The following NRXN1 variants were observed in gnomAD, a reference collection of about 807,000 sequenced individuals.
The protein encoded by NRXN1 is neurexin 1, also known as neurexin-1.
NRXN1 carries 39 observed loss-of-function variants against 150.9 expected under a neutral mutation model. The observed-to-expected ratio is 0.26, with a 90% CI of 0.20 to 0.34. The LOEUF is 0.34. Ranked by LOEUF, NRXN1 falls within the 10% of genes least tolerant of loss-of-function variation. NRXN1 has a pLI of 1.00. For missense variants in NRXN1, 1,815 were observed against 1,949.9 expected, an observed-to-expected ratio of 0.93 and a Z score of 1.30; for synonymous variants, 924 against 757.0, an observed-to-expected ratio of 1.22 and a Z score of -3.62.
chr2:50,792,466 A>T (rs1356117435), intron 5 of NRXN1, among the ~76,000 whole-genome samples: 1 of 152,060 alleles, frequency 6.6e-6, no homozygotes, highest in African/African-American at 2.4e-5. Context: ...CATATTATCT[A>T]ATACTATAAT....
chr2:50,929,052 A>G (rs1025167278), intron 2 of NRXN1, among the ~76,000 whole-genome samples: 2 of 152,050 alleles, frequency 1.3e-5, no homozygotes, highest in African/African-American at 4.8e-5. Flanking sequence ...CAATCATGCT[A>G]TGAATAATGG....
At chr2:50,198,878 A>G (rs1191575385) in intron 18 of NRXN1, among the ~76,000 whole-genome samples, 2 of 152,094 alleles carry the variant, frequency 1.3e-5, no homozygotes, top group Non-Finnish European at 2.9e-5. Context: ...GAACTTTTGG[A>G]GCACAGGTAT....
intron 5 of NRXN1, among the ~76,000 whole-genome samples, chr2:50,819,607 C>G (rs756295851): frequency 1.3e-5 from 2 of 151,814 alleles, no homozygotes; most frequent in Non-Finnish European, 2.9e-5. Context: ...GAGATCTTCC[C>G]TACAACAATG....
At chr2:50,586,997 A>C (rs1673229609) in intron 8 of NRXN1, among the ~76,000 whole-genome samples, 1 of 152,202 alleles carries the variant, frequency 6.6e-6, no homozygotes, top group South Asian at 2.1e-4. Context: ...TTTCCAAAGA[A>C]AGAAAATACT....
intron 21 of NRXN1, among the ~76,000 whole-genome samples, chr2:49,999,583 A>C (rs184400482): frequency 2.6e-5 from 4 of 152,278 alleles, no homozygotes; most frequent in African/African-American, 9.6e-5. Context: ...AATTTTTCAA[A>C]TAAGTAATCA....
intron 2 of NRXN1, among the ~76,000 whole-genome samples, chr2:50,941,976 G>GA (rs1689524556): frequency 6.6e-6 from 1 of 152,164 alleles, no homozygotes; most frequent in East Asian, 1.9e-4. Context: ...GCCTGGGAGG[G>GA]AAAAAATGGT....
At chr2:50,085,406 A>G (rs1698635968) in intron 19 of NRXN1, among the ~76,000 whole-genome samples, 1 of 152,042 alleles carries the variant, frequency 6.6e-6, no homozygotes, top group Non-Finnish European at 1.5e-5. Flanking sequence ...TATTTTCACT[A>G]TTTTACTTTT....
At chr2:50,849,462 G>T (rs561792365) in intron 5 of NRXN1, among the ~76,000 whole-genome samples, 1 of 152,286 alleles carries the variant, frequency 6.6e-6, no homozygotes, top group South Asian at 2.1e-4. Context: ...TAGGGTGAAG[G>T]TAAGAGCCTA....
At chr2:50,760,785 G>T (rs889028174) in intron 5 of NRXN1, among the ~76,000 whole-genome samples, 1 of 151,852 alleles carries the variant, frequency 6.6e-6, no homozygotes, top group African/African-American at 2.4e-5. Context: ...TGAAAACTCC[G>T]AGGCAGATGT....
chr2:50,538,713 G>A (rs1271431612), intron 9 of NRXN1, 77 bp from the exon 10 acceptor site: 6 of 1,227,256 alleles, frequency 4.9e-6, no homozygotes, highest in Non-Finnish European at 6.5e-6. Context: ...TCTTTCGTCT[G>A]CTTGATGGTT....
intron 2 of NRXN1, chr2:50,979,315 G>C: frequency 1.9e-6 from 1 of 515,178 alleles, no homozygotes. Flanking sequence ...TGGACAATGT[G>C]ACAGCAATTC....
chr2:50,597,787 A>C (rs1675478674), intron 8 of NRXN1, among the ~76,000 whole-genome samples: 2 of 152,230 alleles, frequency 1.3e-5, no homozygotes, highest in African/African-American at 2.4e-5. Flanking sequence ...TAAATGAGTG[A>C]GTCTAAAAAA....
chr2:50,935,041 A>G (rs1270821340), intron 2 of NRXN1, among the ~76,000 whole-genome samples: 1 of 152,150 alleles, frequency 6.6e-6, no homozygotes, highest in East Asian at 1.9e-4. Flanking sequence ...AGTATGCCCA[A>G]TTAGATCATT....
chr2:50,191,187 C>T (rs1244046670), intron 18 of NRXN1, among the ~76,000 whole-genome samples: 2 of 146,820 alleles, frequency 1.4e-5, no homozygotes, highest in Admixed American at 7.1e-5. Context: ...TGCCATCATG[C>T]TCAGCTAATT....
rs187174146 is a variant in NRXN1 at position 50,256,921 on chromosome 2, C to T, written c.3365-19951G>A. Among the ~76,000 whole-genome samples, 129 of 152,080 alleles carry T rather than the reference C, an allele frequency of 8.5e-4. 1 individual carries two copies. Among genetic ancestry groups the T allele is most frequent in the Admixed American group, 3.9e-3 (59 of 15,218 alleles). The stretch of plus-strand genomic sequence containing the variant: ...AGGTTGAGAACTGTACAATCCTATC[C>T]TAGGACGACTGAAATGTGACTATTA... On this transcript the variant is annotated intron_variant, in intron 17 of 22. Coordinates refer to ENST00000401669, the MANE Select transcript of NRXN1 (RefSeq NM_001330078.2).
chr2:50,632,608 GTGTGAGAGTCT>G (rs1297575544), intron 5 of NRXN1: 1 of 151,944 alleles, frequency 6.6e-6, no homozygotes, highest in Non-Finnish European at 1.5e-5. Flanking sequence ...GTACATTAAA[GTGTGAGAGTCT>G]TGTTATGAAT....
At chr2:50,032,707 C>T (rs1895131) in intron 21 of NRXN1, among the ~76,000 whole-genome samples, 19,356 of 151,678 alleles carry the variant, frequency 0.13, 1,837 homozygotes, top group African/African-American at 0.26. Flanking sequence ...TCCAATAACA[C>T]TGGTGTCCTT....
chr2:50,766,655 A>G (rs1472590598), intron 5 of NRXN1, among the ~76,000 whole-genome samples: 1 of 152,058 alleles, frequency 6.6e-6, no homozygotes, highest in African/African-American at 2.4e-5. Flanking sequence ...AGTATGATGC[A>G]CTGCTATCCT....
intron 18 of NRXN1, among the ~76,000 whole-genome samples, chr2:50,147,136 C>T (rs1028859229): frequency 9.2e-5 from 14 of 151,642 alleles, no homozygotes; most frequent in Non-Finnish European, 1.2e-4. Flanking sequence ...CATCTGGGAT[C>T]ATCAGGAGGT....
Sources: gnomAD v4.1 joint callset for allele counts (sites outside exome capture counted in the v4.1 genomes callset) on GRCh38, gnomAD v4.1.1 for gene constraint, MANE v1.5 for transcripts, NCBI Gene and HGNC (gene_info 2026-07-23, HGNC 2026-07-21) for gene names.